OSBPL5: variants seen among roughly 807,000 people sequenced by gnomAD.
OSBPL5 encodes oxysterol binding protein like 5.
OSBPL5 carries 71 observed loss-of-function variants against 111.2 expected under a neutral mutation model. The observed-to-expected ratio is 0.64, with a 90% confidence interval of 0.53 to 0.78. The LOEUF (loss-of-function observed/expected upper bound fraction) is 0.78, where lower values mean the gene tolerates loss of function less well. OSBPL5 is among the 30% of genes least tolerant of loss of function. The pLI, the probability that OSBPL5 is intolerant of heterozygous loss-of-function variation, is 0.00. For missense variants in OSBPL5, 1,210 were observed against 1,189.3 expected (o/e 1.02, Z -0.26); for synonymous variants, 549 against 513.9 (o/e 1.07, Z -0.93).
chr11:3,119,866 G>C (rs1858342692), intron 6 of OSBPL5: 2 of 523,590 alleles, frequency 3.8e-6, no homozygotes, highest in African/African-American at 2.0e-5. Flanking sequence ...CAGCTTTCCA[G>C]CTCTGAGCCT....
chr11:3,102,335 G>T, intron 11 of OSBPL5, 54 bp from the exon 12 acceptor site: 1 of 1,517,920 alleles, frequency 6.6e-7, no homozygotes, highest in Non-Finnish European at 9.0e-7. Flanking sequence ...GGTCCGCTGT[G>T]CAGAGCAGGT....
chr11:3,126,067 G>C lies in OSBPL5; in HGVS notation c.219+406C>G, dbSNP rs1366283394. On this transcript the variant is annotated intron_variant, in intron 3 of 21. Coordinates refer to ENST00000263650, the MANE Select transcript of OSBPL5 (RefSeq NM_020896.4). This position sits in a 1 kb window ranked among gnomAD's most constrained non-coding sequence, Gnocchi z 6.5. ...AGGAACTGGAGCCCTTGTGCACTGT[G>C]GGTGGCCATGTAAGATGGTGCAGCC... Among the ~76,000 whole-genome samples, 1 of 152,168 alleles carries C rather than the reference G, an allele frequency of 6.6e-6. No homozygotes were observed. The highest frequency in any genetic ancestry group is 2.4e-5 in the African/African-American group (1 of 41,434).
chr11:3,088,347 C>T lies in OSBPL5; in HGVS notation c.2502-4G>A. ...GCTCAGCATGGCCGAGAGGTGCCTG[C>T]AAGGACAGGCGACAGATCGTGGGGG... On this transcript the variant is annotated splice_polypyrimidine_tract_variant and splice_region_variant and intron_variant, in intron 21 of 21. Coordinates refer to ENST00000263650, the MANE Select transcript of OSBPL5 (RefSeq NM_020896.4). 7 of 1,556,646 alleles carry T rather than the reference C, an allele frequency of 4.5e-6. No homozygotes were observed. Among genetic ancestry groups the T allele is most frequent in the Non-Finnish European group, 5.2e-6 (6 of 1,154,244 alleles).
At chr11:3,118,556 T>C (rs1858289680) in intron 7 of OSBPL5, among the ~76,000 whole-genome samples, 1 of 148,658 alleles carries the variant, frequency 6.7e-6, no homozygotes, top group Admixed American at 6.9e-5. Flanking sequence ...GCCTCAACCT[T>C]GGCAAAATAA....
At chr11:3,158,306 G>A (rs529565499) in intron 1 of OSBPL5, among the ~76,000 whole-genome samples, 4 of 152,248 alleles carry the variant, frequency 2.6e-5, no homozygotes, top group South Asian at 4.1e-4. Flanking sequence ...TGGAGTGGGC[G>A]AGGGTTCCCT....
chr11:3,103,803 GCCC>G (rs1564830303), intron 10 of OSBPL5, among the ~76,000 whole-genome samples: 38 of 42,802 alleles, frequency 8.9e-4, no homozygotes, highest in Admixed American at 6.9e-3. Context: ...TGCCTCTGCA[GCCC>G]TCTTCCTGCC....
In OSBPL5 at chr11:3,126,345, C is replaced by A; in HGVS notation, c.219+128G>T. The A allele has an allele frequency of 1.3e-6, 1 of 784,398 alleles. No individual in the cohort carries two copies. The highest frequency in any genetic ancestry group is 1.9e-6 in the Non-Finnish European group (1 of 518,438). 48.6% of individuals were successfully genotyped at this position (784,398 alleles called of 1,614,324 possible). A position where few individuals can be genotyped will look rare whatever the true frequency, so the allele number is the denominator to read the frequency against. On this transcript the variant is annotated intron_variant, in intron 3 of 21. Coordinates refer to ENST00000263650, the MANE Select transcript of OSBPL5 (RefSeq NM_020896.4). This position sits in a 1 kb window ranked among gnomAD's most constrained non-coding sequence, Gnocchi z 6.5. ...GAGCAGCACAGTCTAGGATTGGGAG[C>A]TGTTTCCCCCGAACAGGCTGGAATG...
At chr11:3,124,444 T>C (rs990303453) in intron 3 of OSBPL5, among the ~76,000 whole-genome samples, 1 of 152,112 alleles carries the variant, frequency 6.6e-6, no homozygotes, top group African/African-American at 2.4e-5. Context: ...AGAGAAGGTG[T>C]CCTAAGTTGC....
chr11:3,132,664 C>T (rs529717518), intron 1 of OSBPL5, among the ~76,000 whole-genome samples: 85 of 152,288 alleles, frequency 5.6e-4, no homozygotes, highest in African/African-American at 1.9e-3. Flanking sequence ...CCACATGGCC[C>T]GGTCCTCCTC....
chr11:3,092,611 GGGCTGT>G lies in OSBPL5; in HGVS notation c.2133-59_2133-54del. 2 of 1,510,524 alleles carry G rather than the reference GGGCTGT, an allele frequency of 1.3e-6. No homozygotes were observed. Among genetic ancestry groups the G allele is most frequent in the Non-Finnish European group, 1.8e-6 (2 of 1,120,976 alleles). The allele number at this position is 1,510,524 out of a possible 1,614,324, so 93.6% of individuals were successfully genotyped here. On this transcript the variant is annotated intron_variant, in intron 18 of 21. Coordinates refer to ENST00000263650, the MANE Select transcript of OSBPL5 (RefSeq NM_020896.4). This position sits in a 1 kb window ranked among gnomAD's most constrained non-coding sequence, Gnocchi z 5.4. ...CACAGGCAGTGGCCCTCAGGTGAGGGGGCTGTCCTGGCCCAGTCTTCAGCCCCCCAA... is the reference window on the plus strand; with the variant it reads ...CACAGGCAGTGGCCCTCAGGTGAGGGCCTGGCCCAGTCTTCAGCCCCCCAA...
Position 3,107,828 on chromosome 11 carries a change from G to A in OSBPL5, c.809C>T (p.Ser270Leu), listed in dbSNP as rs1196101948. 6.2e-7 allele frequency: 1 copy of A among 1,612,452 alleles called. No individual in the cohort carries two copies. The highest frequency in any genetic ancestry group is 1.3e-5 in the African/African-American group (1 of 75,046). The change falls in exon 8 of 22, where the codon TCA becomes TTA. Residue 270 changes from serine (S) to leucine (L), a missense_variant. Coordinates refer to ENST00000263650, the MANE Select transcript of OSBPL5 (RefSeq NM_020896.4). The surrounding 1 kb of genome is among the most constrained non-coding windows in gnomAD (Gnocchi z 6.1). The part of the protein sequence containing the change: ...EPGTSPDASP[S>L]SLCGLPASAT... ...TGAGGCTGGCAGCCCACAGAGCGAT[G>A]AGGGTGATGCGTCTGGCGAGGTCCC...
rs189396674 is a variant in OSBPL5, at chr11:3,098,790, C to A, written c.1621+1368G>T. Among the ~76,000 whole-genome samples the A allele has an allele frequency of 6.4e-3, 963 of 151,628 alleles. 8 individuals carry two copies. Among genetic ancestry groups the A allele is most frequent in the Middle Eastern group, 0.01 (3 of 292 alleles). ...AAAGTGCTGGGATTACAGTTGTGAGCCACTGAGCCCAGCAAAGATTTTTTT... is the reference window on the plus strand; with the variant it reads ...AAAGTGCTGGGATTACAGTTGTGAGACACTGAGCCCAGCAAAGATTTTTTT... On this transcript the variant is annotated intron_variant, in intron 14 of 21. Transcript: ENST00000263650.
chr11:3,118,257 T>G (rs780762626), intron 7 of OSBPL5, among the ~76,000 whole-genome samples: 15 of 152,214 alleles, frequency 9.9e-5, no homozygotes, highest in Non-Finnish European at 1.6e-4. Context: ...GCCCCCCCAT[T>G]CTATTCCAAG....
chr11:3,144,588 C>T (rs1318022622), intron 1 of OSBPL5, among the ~76,000 whole-genome samples: 1 of 152,354 alleles, frequency 6.6e-6, no homozygotes, highest in Admixed American at 6.5e-5. Flanking sequence ...GACACCGGCC[C>T]CAAATTCCAC....
intron 1 of OSBPL5, among the ~76,000 whole-genome samples, chr11:3,159,324 C>T (rs1041831805): frequency 1.3e-4 from 20 of 152,150 alleles, no homozygotes; most frequent in Admixed American, 7.9e-4. Flanking sequence ...CCCAGCACCC[C>T]GTCCACAGCA....
chr11:3,123,443 G>A (rs550745164), intron 3 of OSBPL5, among the ~76,000 whole-genome samples: 8 of 152,380 alleles, frequency 5.3e-5, no homozygotes, highest in African/African-American at 9.6e-5. Context: ...CTTGGCACAT[G>A]GCCAGGCGAT....
At chr11:3,137,165 G>A (rs376162339) in intron 1 of OSBPL5, among the ~76,000 whole-genome samples, 3 of 152,198 alleles carry the variant, frequency 2.0e-5, no homozygotes, top group African/African-American at 7.2e-5. Flanking sequence ...GGCCTCCTGA[G>A]TCACCCCAGG....
In OSBPL5 at chr11:3,088,277, C is replaced by G. The variant is rs755175973; in HGVS notation, c.2568G>C (p.Gln856His). 84 of 1,608,712 alleles carry G rather than the reference C, an allele frequency of 5.2e-5. No individual in the cohort carries two copies. The part of the protein sequence containing the change: ...AAQAPTPGLL[Q>H]SPRSWFLLCV... Reference sequence around the variant, plus strand: ...AGAGCAGGAACCAGGATCGGGGGCTCTGCAGGAGGCCTGGGGTCGGTGCCT... The same window carrying G: ...AGAGCAGGAACCAGGATCGGGGGCTGTGCAGGAGGCCTGGGGTCGGTGCCT... The change falls in exon 22 of 22, where the codon CAG (glutamine) becomes CAC (histidine). Residue 856 changes from glutamine (Q) to histidine (H), a missense_variant. Physicochemically the swap from Gln to His is conservative, Grantham distance 24. Coordinates refer to ENST00000263650, the MANE Select transcript of OSBPL5 (RefSeq NM_020896.4).
chr11:3,094,120 C>G, intron 15 of OSBPL5, 117 bp downstream of exon 15: 1 of 973,776 alleles, frequency 1.0e-6, no homozygotes, highest in Admixed American at 2.3e-5. Flanking sequence ...ACAGCTGCTC[C>G]CCTTATGTGC....
Sources: gnomAD v4.1 joint callset for allele counts (sites outside exome capture counted in the v4.1 genomes callset) on GRCh38, gnomAD v4.1.1 for gene constraint, Gnocchi (gnomAD v3.1) non-coding constraint, MANE v1.5 for transcripts, NCBI Gene and HGNC (gene_info 2026-07-23, HGNC 2026-07-21) for gene names.